Variants in DOP1A observed in about 807,000 individuals in gnomAD.
DOP1A encodes the protein DOP1 leucine zipper like protein A.
Under a neutral mutation model 267.6 loss-of-function variants are expected in DOP1A, and 90 were observed. The ratio of observed to expected loss-of-function variants is 0.34; its 90% CI spans 0.28 to 0.40. The LOEUF (loss-of-function observed/expected upper bound fraction) is 0.40. Ranked by LOEUF, DOP1A falls within the 10% of genes least tolerant of loss-of-function variation. The pLI, the probability that DOP1A is intolerant of heterozygous loss-of-function variation, is 1.00. For synonymous variants in DOP1A, 932 were observed against 999.1 expected (o/e 0.93, Z 1.27); for missense variants, 2,437 against 2,900.4 (o/e 0.84, Z 3.67).
At position 83,138,970 on chromosome 6, in the gene DOP1A, C is replaced by CTCCT. The variant is rs1779220787; in HGVS notation, c.4928_4929insTCCT (p.Val1644ProfsTer13). On this transcript the variant is annotated frameshift_variant, in exon 21 of 39. Transcript: ENST00000349129. LOFTEE classifies it high-confidence loss of function. ...ACATGTCAAGGCATGTTCCTCTGTG[C>CTCCT]AGTGATACGAGCTTTGCATCAGCAC... 1 of 1,613,968 alleles carries CTCCT rather than the reference C, an allele frequency of 6.2e-7. No individual in the cohort carries two copies. The highest frequency in any genetic ancestry group is 8.5e-7 in the Non-Finnish European group (1 of 1,179,972).
At chr6:83,106,134 T>C (rs1438774377) in intron 4 of DOP1A, among the ~76,000 whole-genome samples, 1 of 152,232 alleles carries the variant, frequency 6.6e-6, no homozygotes, top group Non-Finnish European at 1.5e-5. Flanking sequence ...CATAATTAAA[T>C]ACAAATACTT....
chr6:83,112,513 G>A (rs183870749), intron 6 of DOP1A, among the ~76,000 whole-genome samples: 218 of 152,212 alleles, frequency 1.4e-3, no homozygotes, highest in African/African-American at 5.1e-3. Context: ...GCCCAGGCTG[G>A]AGTTCAGTGG....
At chr6:83,105,757 A>G (rs1161591228) in intron 4 of DOP1A, among the ~76,000 whole-genome samples, 1 of 152,174 alleles carries the variant, frequency 6.6e-6, no homozygotes, top group Admixed American at 6.5e-5. Flanking sequence ...AAGAAAACTG[A>G]GCATTGCTGA....
intron 34 of DOP1A, among the ~76,000 whole-genome samples, chr6:83,156,485 C>T (rs1187167738): frequency 6.6e-6 from 1 of 152,130 alleles, no homozygotes; most frequent in Admixed American, 6.5e-5. Flanking sequence ...AGAAGTAACA[C>T]CTGGAGATCT....
chr6:83,154,080 C>T (rs149018324), intron 32 of DOP1A, 37 bp downstream of exon 32: 3 of 1,612,982 alleles, frequency 1.9e-6, no homozygotes, highest in East Asian at 2.2e-5. Flanking sequence ...GCATGATGCA[C>T]CTCACAGTCT....
chr6:83,170,340 C>T (rs267608261), downstream of DOP1A: 1 of 1,614,064 alleles, frequency 6.2e-7, no homozygotes, highest in African/African-American at 1.3e-5. Context: ...CGGACGACAT[C>T]TTCTGTACCA....
chr6:83,160,425 G>A (rs962868092), intron 37 of DOP1A, among the ~76,000 whole-genome samples: 10 of 152,226 alleles, frequency 6.6e-5, no homozygotes, highest in African/African-American at 2.2e-4. Flanking sequence ...TATTGCTGGA[G>A]CAGAATGTTA....
At chr6:83,071,327 C>G (rs1785548669) in intron 1 of DOP1A, among the ~76,000 whole-genome samples, 1 of 152,126 alleles carries the variant, frequency 6.6e-6, no homozygotes, top group South Asian at 2.1e-4. Context: ...CTGCCTCAGC[C>G]TCCTGATTAG....
chr6:83,134,406 G>A (rs1778550818), intron 19 of DOP1A, 119 bp downstream of exon 19: 3 of 712,290 alleles, frequency 4.2e-6, no homozygotes, highest in African/African-American at 1.9e-5. Context: ...TTTATAAAGA[G>A]AATTTATTAT....
rs749497283 is a variant in DOP1A at position 83,100,762 on chromosome 6, C to T, written c.196C>T (p.Arg66Cys). Residue 66 changes from arginine (R) to cysteine (C), a missense_variant, in exon 4 of 39, where the codon CGC (arginine) becomes TGC (cysteine). Around this residue, in one of 9 missense-constraint regions of DOP1A, gnomAD observed 251 missense variants for 359.1 expected, o/e 0.70. Transcript: ENST00000349129. Reference sequence around the variant, plus strand: ...ACCCAAAAAGCTGACCATAGGCAAACGCCTAGCTCAATGTCTACATCCAGC... The same window carrying T: ...ACCCAAAAAGCTGACCATAGGCAAATGCCTAGCTCAATGTCTACATCCAGC... The part of the protein sequence containing the change: ...VVPKKLTIGK[R>C]LAQCLHPALP... 1.9e-6 allele frequency: 3 copies of T among 1,567,670 alleles called. No individual in the cohort carries two copies. The highest frequency in any genetic ancestry group is 2.6e-6 in the Non-Finnish European group (3 of 1,154,886).
At chr6:83,169,304 G>A, downstream of DOP1A, 1 of 1,613,504 alleles carries the variant, frequency 6.2e-7, no homozygotes, top group Non-Finnish European at 8.5e-7. Flanking sequence ...CACTTCATGT[G>A]CAAGGTGATC....
chr6:83,138,633 T>A lies in DOP1A; in HGVS notation c.4591T>A (p.Cys1531Ser). The A allele has an allele frequency of 6.2e-7, 1 of 1,613,944 alleles. No individual in the cohort carries two copies. The highest frequency in any genetic ancestry group is 8.5e-7 in the Non-Finnish European group (1 of 1,179,928). The change falls in exon 21 of 39, where the codon TGT (cysteine) becomes AGT (serine). Residue 1531 changes from cysteine (C) to serine (S), a missense_variant. By Grantham distance (112) the Cys-to-Ser change is moderately radical. This residue lies in a region of DOP1A where 878 missense variants were observed against 992.9 expected (regional missense o/e 0.88). Transcript: ENST00000349129. ...KCKVQKVILH[C>S]LLSSIFSAQK... ...CAAAGTTCAGAAAGTGATTCTTCAT[T>A]GTTTGCTGTCATCTATCTTTAGTGC...
intron 27 of DOP1A, among the ~76,000 whole-genome samples, chr6:83,150,040 G>A (rs1263433390): frequency 6.6e-6 from 1 of 152,162 alleles, no homozygotes; most frequent in Non-Finnish European, 1.5e-5. Flanking sequence ...TGCTTAGTGT[G>A]GGAAAGTAAG....
chr6:83,153,561 G>A lies in DOP1A; in HGVS notation c.6180G>A (p.Arg2060=), dbSNP rs1782150406. 6.2e-7 allele frequency: 1 copy of A among 1,609,830 alleles called. No individual in the cohort carries two copies. Among genetic ancestry groups the A allele is most frequent in the African/African-American group, 1.3e-5 (1 of 74,712 alleles). ...TTTTCTATAGTGATGAAAAGGAGCG[G>A]GTTATTCCTTTACTTGTAAATATTA... ...DMVFYSDEKE[R]VIPLLVNIMH... Residue 2060 remains arginine, a synonymous_variant, in exon 31 of 39, where the codon CGG becomes CGA. Transcript: ENST00000349129.
chr6:83,081,220 A>G (rs960056979), intron 1 of DOP1A, among the ~76,000 whole-genome samples: 1 of 152,150 alleles, frequency 6.6e-6, no homozygotes, highest in Non-Finnish European at 1.5e-5. Context: ...CTCCAGGTTC[A>G]AGCGATCCTC....
intron 29 of DOP1A, 47 bp from the exon 30 acceptor site, chr6:83,152,241 A>G (rs1335108837): frequency 2.6e-6 from 3 of 1,144,758 alleles, no homozygotes; most frequent in Non-Finnish European, 3.8e-6. Context: ...CATAAAATTT[A>G]TTTTCAGTGG....
rs1197281983 is a variant in DOP1A, at chr6:83,152,326, C to A, written c.6088C>A (p.Pro2030Thr). 5.1e-6 allele frequency: 8 copies of A among 1,571,896 alleles called. No individual in the cohort carries two copies. The East Asian group carries it at 1.7e-4, about 33-fold the overall frequency. Residue 2030 changes from proline to threonine, a missense_variant, in exon 30 of 39, where the codon CCT (proline) becomes ACT (threonine). Pro to Thr is a conservative substitution (Grantham distance 38). This residue lies in a region of DOP1A where 216 missense variants were observed against 283.3 expected (regional missense o/e 0.76). Coordinates refer to ENST00000349129, the MANE Select transcript of DOP1A (RefSeq NM_015018.4). ...SPAMETANIT[P>T]SVYSVHALTL... Reference sequence around the variant, plus strand: ...TGCAATGGAAACCGCAAACATAACTCCTTCTGTATATAGTGTCCATGCATT... The same window carrying A: ...TGCAATGGAAACCGCAAACATAACTACTTCTGTATATAGTGTCCATGCATT...
rs144823309 is a variant in DOP1A at position 83,138,007 on chromosome 6, G to A, written c.3965G>A (p.Ser1322Asn). The A allele has an allele frequency of 1.8e-4, 297 of 1,608,260 alleles. 4 individuals are homozygous for A. The highest frequency in any genetic ancestry group is 1.5e-3 in the South Asian group (135 of 90,134). Residue 1322 changes from serine (S) to asparagine (N), a missense_variant, in exon 21 of 39, where the codon AGT becomes AAT. Coordinates refer to ENST00000349129, the MANE Select transcript of DOP1A (RefSeq NM_015018.4). The part of the protein sequence containing the change: ...KSSNEKLKQT[S>N]VFFSDGLDLE... ...TCAAATGAAAAACTCAAACAAACCA[G>A]TGTATTCTTCAGTGATGGTCTGGAT... is the stretch of plus-strand genomic sequence containing the variant.
chr6:83,084,770 T>C (rs1768774951), intron 1 of DOP1A, among the ~76,000 whole-genome samples: 1 of 151,820 alleles, frequency 6.6e-6, no homozygotes, highest in Non-Finnish European at 1.5e-5. Flanking sequence ...TTTTTTTTTT[T>C]TTAGTAGAGA....
Sources: gnomAD v4.1 joint callset for allele counts (sites outside exome capture counted in the v4.1 genomes callset) on GRCh38, gnomAD v4.1.1 for gene constraint, gnomAD v4.1.1 regional missense constraint, MANE v1.5 for transcripts, NCBI Gene and HGNC (gene_info 2026-07-23, HGNC 2026-07-21) for gene names.